SCFD2: variants seen among roughly 807,000 people sequenced by gnomAD.
SCFD2 encodes the protein sec1 family domain containing 2.
In SCFD2, 54 loss-of-function variants were observed where a neutral mutation model predicts 58.9. The ratio of observed to expected loss-of-function variants is 0.92; its 90% CI spans 0.74 to 1.15. SCFD2 has a LOEUF of 1.15. Among genes scored for constraint, SCFD2 ranks in the 50% most tolerant of loss-of-function variants. The probability of loss-of-function intolerance (pLI) is 0.00; values close to 1 mark genes in which losing one functional copy is unlikely to be tolerated. For synonymous variants in SCFD2, 321 were observed against 335.9 expected (o/e 0.96, Z 0.49); for missense variants, 805 against 836.6 (o/e 0.96, Z 0.47).
Position 53,165,771 on chromosome 4 carries a change from CAGT to C in SCFD2, c.1312-20192_1312-20190del, listed in dbSNP as rs202123593. On this transcript the variant is annotated intron_variant, in intron 4 of 8. Coordinates refer to ENST00000401642, the MANE Select transcript of SCFD2 (RefSeq NM_152540.4). Reference sequence around the variant, plus strand: ...AGTGTTTTGCTCACTGCTGTAGCCCCAGTGTCTAAAACATACTTGATATATAGC... The same window carrying C: ...AGTGTTTTGCTCACTGCTGTAGCCCCGTCTAAAACATACTTGATATATAGC... 8.1e-3 allele frequency among the ~76,000 whole-genome samples: 1,234 copies of C among 152,288 alleles called. 15 individuals are homozygous for C. Among genetic ancestry groups the C allele is most frequent in the African/African-American group, 0.028 (1,160 of 41,556 alleles).
intron 4 of SCFD2, among the ~76,000 whole-genome samples, chr4:53,255,847 C>A (rs1279291584): frequency 4.0e-5 from 6 of 149,320 alleles, no homozygotes; most frequent in Non-Finnish European, 7.5e-5. Context: ...GGGGGCTGAC[C>A]CCCCCACCTC....
chr4:53,125,912 T>G (rs534483427), intron 5 of SCFD2, among the ~76,000 whole-genome samples: 1 of 152,120 alleles, frequency 6.6e-6, no homozygotes, highest in Non-Finnish European at 1.5e-5. Flanking sequence ...TGGGAGAGCA[T>G]CCAGAAAGGA....
At chr4:53,312,801 C>T (rs917032720) in intron 3 of SCFD2, among the ~76,000 whole-genome samples, 1 of 152,034 alleles carries the variant, frequency 6.6e-6, no homozygotes, top group African/African-American at 2.4e-5. Context: ...TACCTAAGAA[C>T]AGATTATAAG....
intron 3 of SCFD2, among the ~76,000 whole-genome samples, chr4:53,291,525 A>G (rs529668187): frequency 6.6e-6 from 1 of 152,142 alleles, no homozygotes; most frequent in African/African-American, 2.4e-5. Context: ...GGAAGAATCA[A>G]TATCATGAAA....
chr4:52,947,262 TGACA>T lies in SCFD2; in HGVS notation c.1562-26396_1562-26393del, dbSNP rs974951018. 4.6e-5 allele frequency among the ~76,000 whole-genome samples: 7 copies of T among 152,300 alleles called. No homozygotes were observed. The East Asian group carries it at 9.7e-4, about 21-fold the overall frequency. On this transcript the variant is annotated intron_variant, in intron 5 of 8. Transcript: ENST00000401642. ...AAGGGCTTTCCATTCACGGGGAAAC[TGACA>T]GACAGAAGCCAGAAGTCATTTCATT...
At chr4:53,158,419 T>C (rs909166969) in intron 4 of SCFD2, among the ~76,000 whole-genome samples, 1 of 152,202 alleles carries the variant, frequency 6.6e-6, no homozygotes, top group Non-Finnish European at 1.5e-5. Context: ...GAAATCACTA[T>C]TTGTACCCCC....
At chr4:53,358,493 C>T (rs1190744065) in intron 1 of SCFD2, among the ~76,000 whole-genome samples, 1 of 149,904 alleles carries the variant, frequency 6.7e-6, no homozygotes, top group East Asian at 2.0e-4. Context: ...GTGAAGGTTG[C>T]AGTGAGCCGA....
chr4:52,972,836 T>G (rs1466391215), intron 5 of SCFD2, among the ~76,000 whole-genome samples: 2 of 152,156 alleles, frequency 1.3e-5, no homozygotes, highest in East Asian at 3.8e-4. Flanking sequence ...CACAGTGCAA[T>G]CAAACTAGAA....
At chr4:53,324,990 C>T (rs1014745360) in intron 2 of SCFD2, among the ~76,000 whole-genome samples, 7 of 152,192 alleles carry the variant, frequency 4.6e-5, no homozygotes, top group Admixed American at 3.3e-4. Flanking sequence ...GGGTAAGGTT[C>T]TTGAGGCTTG....
chr4:53,330,707 C>G (rs1733422092), intron 2 of SCFD2, among the ~76,000 whole-genome samples: 1 of 151,822 alleles, frequency 6.6e-6, no homozygotes, highest in Admixed American at 6.6e-5. Flanking sequence ...AAATCACCAG[C>G]TAACATCATA....
intron 4 of SCFD2, among the ~76,000 whole-genome samples, chr4:53,241,411 A>C (rs904900867): frequency 2.0e-5 from 3 of 152,096 alleles, no homozygotes; most frequent in African/African-American, 7.2e-5. Flanking sequence ...AGTCCAACCC[A>C]AGCACCCCTC....
At position 53,297,260 on chromosome 4, in the gene SCFD2, T is replaced by G. The variant is rs560902812; in HGVS notation, c.1135+16376A>C. Among the ~76,000 whole-genome samples, 3 of 152,306 alleles carry G rather than the reference T, an allele frequency of 2.0e-5. No homozygotes were observed. In the East Asian group the frequency reaches 5.8e-4, roughly 29 times the overall value. ...GCATGTTAAAGTCTCCCACTATTATTGTGTGGGAGTCTACATCTCTTTGTA... is the reference window on the plus strand; with the variant it reads ...GCATGTTAAAGTCTCCCACTATTATGGTGTGGGAGTCTACATCTCTTTGTA... On this transcript the variant is annotated intron_variant, in intron 3 of 8. Transcript: ENST00000401642.
At chr4:53,341,480 A>C (rs572995764) in intron 2 of SCFD2, among the ~76,000 whole-genome samples, 18 of 152,340 alleles carry the variant, frequency 1.2e-4, no homozygotes, top group African/African-American at 4.3e-4. Context: ...TCTACGTCTG[A>C]TTGGTGTACC....
At chr4:53,011,076 T>C (rs1206945613) in intron 5 of SCFD2, among the ~76,000 whole-genome samples, 1 of 152,182 alleles carries the variant, frequency 6.6e-6, no homozygotes, top group Admixed American at 6.5e-5. Flanking sequence ...TATTTTACAT[T>C]TGGACTTTAT....
At chr4:53,151,517 A>G (rs1726505016) in intron 4 of SCFD2, among the ~76,000 whole-genome samples, 1 of 152,198 alleles carries the variant, frequency 6.6e-6, no homozygotes, top group Non-Finnish European at 1.5e-5. Flanking sequence ...ATGCCACTGC[A>G]AAGTCAGAGT....
chr4:53,123,038 G>A (rs1308458520), intron 5 of SCFD2, among the ~76,000 whole-genome samples: 6 of 151,998 alleles, frequency 3.9e-5, no homozygotes, highest in African/African-American at 1.4e-4. Flanking sequence ...CTCCCTTACT[G>A]CTCCTATTAA....
At chr4:53,316,155 T>C (rs1732856201) in intron 2 of SCFD2, among the ~76,000 whole-genome samples, 1 of 152,238 alleles carries the variant, frequency 6.6e-6, no homozygotes, top group Admixed American at 6.5e-5. Flanking sequence ...CTCTGTTGTC[T>C]ACTTACTGGG....
At chr4:53,255,832 G>A (rs1360968149) in intron 4 of SCFD2, among the ~76,000 whole-genome samples, 16 of 148,690 alleles carry the variant, frequency 1.1e-4, no homozygotes, top group African/African-American at 2.2e-4. Context: ...GCAGCTGGCC[G>A]GGCGGGGGGC....
chr4:53,144,379 G>A (rs1362112039), intron 5 of SCFD2, among the ~76,000 whole-genome samples: 3 of 149,722 alleles, frequency 2.0e-5, no homozygotes, highest in African/African-American at 7.3e-5. Flanking sequence ...ACACGTGTGT[G>A]TGCATGTGTA....
Sources: gnomAD v4.1 joint callset for allele counts (sites outside exome capture counted in the v4.1 genomes callset) on GRCh38, gnomAD v4.1.1 for gene constraint, MANE v1.5 for transcripts, NCBI Gene and HGNC (gene_info 2026-07-23, HGNC 2026-07-21) for gene names.